The following RUNX2 variants were observed in gnomAD, a reference collection of about 807,000 sequenced individuals.
The protein encoded by RUNX2 is RUNX family transcription factor 2, also known as runt-related transcription factor 2.
In RUNX2, 10 loss-of-function variants were observed where a neutral mutation model predicts 51.7. The observed-to-expected ratio is 0.19, with a 90% CI of 0.12 to 0.33. The LOEUF (loss-of-function observed/expected upper bound fraction) is 0.33. Ranked by LOEUF, RUNX2 falls within the 10% of genes least tolerant of loss-of-function variation. RUNX2 has a pLI of 1.00. For synonymous variants in RUNX2, 276 were observed against 273.6 expected, an observed-to-expected ratio of 1.01 and a Z score of -0.09; for missense variants, 562 against 691.3, an observed-to-expected ratio of 0.81 and a Z score of 2.10.
At chr6:45,529,635 T>G (rs1434178944) in intron 7 of RUNX2, among the ~76,000 whole-genome samples, 1 of 152,042 alleles carries the variant, frequency 6.6e-6, no homozygotes, top group Non-Finnish European at 1.5e-5. Flanking sequence ...CCCTTTCATT[T>G]AGAAGGGTAT....
chr6:45,505,374 T>A (rs1484926934), intron 6 of RUNX2, among the ~76,000 whole-genome samples: 1 of 152,000 alleles, frequency 6.6e-6, no homozygotes, highest in East Asian at 1.9e-4. Flanking sequence ...TTTTTTTTTT[T>A]TTCTTTTCTG....
At chr6:45,329,827 CACTT>C (rs955352546) in intron 2 of RUNX2, among the ~76,000 whole-genome samples, 9 of 152,020 alleles carry the variant, frequency 5.9e-5, no homozygotes, top group Admixed American at 4.6e-4. Flanking sequence ...TATCTAAACA[CACTT>C]ACAAGATTCT....
intron 5 of RUNX2, among the ~76,000 whole-genome samples, chr6:45,472,677 A>G (rs568937877): frequency 1.2e-4 from 18 of 152,306 alleles, no homozygotes; most frequent in Non-Finnish European, 2.2e-4. Context: ...TGGCCTGGAC[A>G]CTGCTTTCCT....
chr6:45,366,599 ACC>A (rs1296249136), intron 2 of RUNX2, among the ~76,000 whole-genome samples: 1 of 152,172 alleles, frequency 6.6e-6, no homozygotes, highest in African/African-American at 2.4e-5. Flanking sequence ...TAGATGTATT[ACC>A]CTTTTTTTCA....
At chr6:45,493,857 T>C (rs2150408758) in intron 6 of RUNX2, among the ~76,000 whole-genome samples, 1 of 152,224 alleles carries the variant, frequency 6.6e-6, no homozygotes, top group Admixed American at 6.5e-5. Flanking sequence ...AAATATATGT[T>C]CCATGATTTG....
intron 3 of RUNX2, among the ~76,000 whole-genome samples, chr6:45,426,372 T>C (rs1798382457): frequency 1.3e-5 from 2 of 152,184 alleles, no homozygotes; most frequent in South Asian, 2.1e-4. Flanking sequence ...ATAATTCTAG[T>C]GACAAAGAAG....
rs577313461 is a variant in RUNX2 at position 45,430,305 on chromosome 6, T to G, written c.424-1558T>G. On this transcript the variant is annotated intron_variant, in intron 3 of 8. Coordinates refer to ENST00000647337, the MANE Select transcript of RUNX2 (RefSeq NM_001024630.4). ...ACCATTAATATTAACATATGTACGT[T>G]GAAATGAGGATCACTTGAGTACATT... is the stretch of plus-strand genomic sequence containing the variant. Among the ~76,000 whole-genome samples the G allele has an allele frequency of 2.0e-5, 3 of 152,230 alleles. No homozygotes were observed. In the East Asian group the frequency reaches 5.8e-4, roughly 29 times the overall value.
At chr6:45,485,733 A>G (rs1472906113) in intron 5 of RUNX2, among the ~76,000 whole-genome samples, 1 of 145,226 alleles carries the variant, frequency 6.9e-6, no homozygotes, top group African/African-American at 2.5e-5. Flanking sequence ...ATTTAGCATC[A>G]TCTTATCTCA....
rs182973971 is a variant in RUNX2, at chr6:45,498,597, G to A, written c.859+6483G>A. On this transcript the variant is annotated intron_variant, in intron 6 of 8. Transcript: ENST00000647337. ...ATTAAATTCCAGTTATATAAGGCAT[G>A]TATTTAAGGTAAAAACTGCTTGCCA... Among the ~76,000 whole-genome samples, 340 of 152,312 alleles carry A rather than the reference G, an allele frequency of 2.2e-3. 2 individuals are homozygous for A. Among genetic ancestry groups the A allele is most frequent in the African/African-American group, 7.7e-3 (321 of 41,566 alleles).
intron 5 of RUNX2, among the ~76,000 whole-genome samples, chr6:45,473,807 A>C (rs1799875785): frequency 6.6e-6 from 1 of 152,198 alleles, no homozygotes; most frequent in Non-Finnish European, 1.5e-5. Flanking sequence ...TCCCTCTGAA[A>C]TTTTGAGTCA....
intron 2 of RUNX2, among the ~76,000 whole-genome samples, chr6:45,403,387 C>T (rs1456909718): frequency 6.6e-6 from 1 of 152,020 alleles, no homozygotes. Flanking sequence ...GCATGAGCCA[C>T]CATGCCCAGC....
chr6:45,489,000 T>C (rs577003305), intron 5 of RUNX2, among the ~76,000 whole-genome samples: 2 of 152,334 alleles, frequency 1.3e-5, no homozygotes, highest in Non-Finnish European at 2.9e-5. Flanking sequence ...TACCCTGATG[T>C]GGTTTAGTGG....
chr6:45,437,393 A>G (rs1175584562), intron 4 of RUNX2, among the ~76,000 whole-genome samples: 1 of 152,210 alleles, frequency 6.6e-6, no homozygotes, highest in African/African-American at 2.4e-5. Flanking sequence ...CCACAGGCAC[A>G]TTACGGCCAG....
intron 5 of RUNX2, among the ~76,000 whole-genome samples, chr6:45,448,138 G>A (rs972645232): frequency 6.6e-6 from 1 of 152,218 alleles, no homozygotes; most frequent in Admixed American, 6.5e-5. Context: ...TCAGTGAGTG[G>A]GGAGGAGGTC....
At chr6:45,384,821 A>C (rs1797316952) in intron 2 of RUNX2, among the ~76,000 whole-genome samples, 1 of 147,002 alleles carries the variant, frequency 6.8e-6, no homozygotes, top group Admixed American at 7.0e-5. Context: ...GGGCTCAAGC[A>C]GTCCTCCCAC....
intron 7 of RUNX2, among the ~76,000 whole-genome samples, chr6:45,537,069 T>G (rs1277946178): frequency 6.6e-6 from 1 of 152,196 alleles, no homozygotes; most frequent in Non-Finnish European, 1.5e-5. Context: ...TGTTTGCTAT[T>G]TGCTGTGTAC....
At position 45,422,776 on chromosome 6, in the gene RUNX2, C is replaced by T; in HGVS notation, c.242C>T (p.Ala81Val). Residue 81 changes from alanine (A) to valine (V), a missense_variant, in exon 3 of 9, where the codon GCG (alanine) becomes GTG (valine). By Grantham distance (64) the Ala-to-Val change is moderately conservative. This residue lies in a region of RUNX2 where 153 missense variants were observed against 144.8 expected (regional missense o/e 1.06). Transcript: ENST00000647337. ...GCGGCGGCGGCGGCTGCGGCGGCGGCGGCGGCTGCGGCGGCGGCAGCTGCA... is the reference window on the plus strand; with the variant it reads ...GCGGCGGCGGCGGCTGCGGCGGCGGTGGCGGCTGCGGCGGCGGCAGCTGCA... Reference protein sequence around the residue: ...QEAAAAAAAAAAAAAAAAAVP... With the variant: ...QEAAAAAAAAVAAAAAAAAVP... The T allele has an allele frequency of 1.4e-6, 2 of 1,465,164 alleles. No individual in the cohort carries two copies. Among genetic ancestry groups the T allele is most frequent in the Non-Finnish European group, 1.8e-6 (2 of 1,113,480 alleles). 90.8% of individuals were successfully genotyped at this position (1,465,164 alleles called of 1,614,324 possible). A position where few individuals can be genotyped will look rare whatever the true frequency, so the allele number is the denominator to read the frequency against.
intron 3 of RUNX2, among the ~76,000 whole-genome samples, chr6:45,425,404 T>A (rs1435127741): frequency 6.6e-6 from 1 of 152,232 alleles, no homozygotes; most frequent in Non-Finnish European, 1.5e-5. Flanking sequence ...TTGTTATTAA[T>A]CAACTTGTTA....
At chr6:45,544,946 G>A (rs1020073306) in intron 7 of RUNX2, among the ~76,000 whole-genome samples, 5 of 152,186 alleles carry the variant, frequency 3.3e-5, no homozygotes, top group Non-Finnish European at 7.3e-5. Flanking sequence ...AGTTGAGGAT[G>A]GAAGAATTTA....
Sources: gnomAD v4.1 joint callset for allele counts (sites outside exome capture counted in the v4.1 genomes callset) on GRCh38, gnomAD v4.1.1 for gene constraint, gnomAD v4.1.1 regional missense constraint, MANE v1.5 for transcripts, NCBI Gene and HGNC (gene_info 2026-07-23, HGNC 2026-07-21) for gene names.